ANKS1B: variants seen among roughly 807,000 people sequenced by gnomAD.
ANKS1B encodes ankyrin repeat and sterile alpha motif domain-containing protein 1B.
Under a neutral mutation model 148.3 loss-of-function variants are expected in ANKS1B, and 36 were observed. That is an observed-to-expected ratio of 0.24 (90% CI 0.19 to 0.32). ANKS1B has a LOEUF of 0.32. Ranked by LOEUF, ANKS1B falls within the 10% of genes least tolerant of loss-of-function variation. ANKS1B has a pLI of 1.00. For missense variants in ANKS1B, 1,157 were observed against 1,542.6 expected, an observed-to-expected ratio of 0.75 and a Z score of 4.19; for synonymous variants, 542 against 560.8, an observed-to-expected ratio of 0.97 and a Z score of 0.47.
At chr12:99,621,855 C>T (rs1226542795) in intron 9 of ANKS1B, among the ~76,000 whole-genome samples, 1 of 75,124 alleles carries the variant, frequency 1.3e-5, no homozygotes, top group African/African-American at 5.7e-5. Context: ...ATCATTGAGG[C>T]AGAAAACAAA....
rs1358559114 is a variant in ANKS1B, at chr12:98,745,375, C to CTCCT, written c.*363_*364insAGGA. 5.8e-6 allele frequency: 4 copies of CTCCT among 685,050 alleles called. No individual in the cohort carries two copies. The African/African-American group carries it at 1.1e-4, about 18-fold the overall frequency. 42.4% of individuals were successfully genotyped at this position (685,050 alleles called of 1,614,324 possible). A position where few individuals can be genotyped will look rare whatever the true frequency, so the allele number is the denominator to read the frequency against. On this transcript the variant is annotated 3_prime_UTR_variant, in exon 27 of 27. Transcript: ENST00000683438. The stretch of plus-strand genomic sequence containing the variant: ...TAGGCAGTATTAGAGATCCCCTTTA[C>CTCCT]TTTTTTTTTTTTTTTTTTTTTTTTA...
intron 9 of ANKS1B, among the ~76,000 whole-genome samples, chr12:99,512,959 T>C (rs1037386071): frequency 2.0e-5 from 3 of 151,798 alleles, no homozygotes; most frequent in African/African-American, 7.3e-5. Flanking sequence ...GCTTAATACC[T>C]AGGTGATAGG....
chr12:99,968,312 C>T (rs2095513540), intron 1 of ANKS1B, among the ~76,000 whole-genome samples: 1 of 152,148 alleles, frequency 6.6e-6, no homozygotes, highest in African/African-American at 2.4e-5. Context: ...AATCCCAGCA[C>T]TTTGGGAGGC....
chr12:99,668,842 C>A (rs1460787055), intron 8 of ANKS1B, among the ~76,000 whole-genome samples: 1 of 151,528 alleles, frequency 6.6e-6, no homozygotes, highest in Non-Finnish European at 1.5e-5. Flanking sequence ...ATTTTTTTCT[C>A]TGTATTTTAT....
At chr12:98,869,289 G>A (rs1371717596) in intron 17 of ANKS1B, among the ~76,000 whole-genome samples, 1 of 152,202 alleles carries the variant, frequency 6.6e-6, no homozygotes, top group Non-Finnish European at 1.5e-5. Flanking sequence ...GGCCTGGGAT[G>A]AAGTTTCTGT....
chr12:99,563,772 C>T (rs916214358), intron 9 of ANKS1B, among the ~76,000 whole-genome samples: 3 of 152,044 alleles, frequency 2.0e-5, no homozygotes, highest in Admixed American at 6.6e-5. Context: ...CTATGAAGTG[C>T]AATAAGGTAA....
At chr12:98,895,025 G>C in intron 17 of ANKS1B, 1 of 849,058 alleles carries the variant, frequency 1.2e-6, no homozygotes. Context: ...TCCCCCGAAC[G>C]CCGTCTCCAG....
intron 10 of ANKS1B, among the ~76,000 whole-genome samples, chr12:99,499,724 C>T (rs1757631571): frequency 6.6e-6 from 1 of 152,078 alleles, no homozygotes; most frequent in South Asian, 2.1e-4. Flanking sequence ...CCCCCGTTGA[C>T]ACCACATGGA....
At chr12:99,755,073 A>G (rs202049997) in intron 8 of ANKS1B, among the ~76,000 whole-genome samples, 1 of 48,424 alleles carries the variant, frequency 2.1e-5, no homozygotes, top group East Asian at 1.0e-3. Context: ...CTGCTTTTTA[A>G]AAAAAAAAAT....
intron 8 of ANKS1B, among the ~76,000 whole-genome samples, chr12:99,750,173 T>C (rs867319171): frequency 2.6e-5 from 4 of 152,066 alleles, no homozygotes; most frequent in African/African-American, 9.7e-5. Flanking sequence ...ACTTATAATT[T>C]ATAACTTTTT....
intron 9 of ANKS1B, among the ~76,000 whole-genome samples, chr12:99,646,973 C>T (rs2098375732): frequency 6.7e-6 from 1 of 149,440 alleles, no homozygotes; most frequent in South Asian, 2.1e-4. Flanking sequence ...TAAAATTTAT[C>T]ATGGCTATAG....
rs145244264 is a variant in ANKS1B, at chr12:99,184,169, T to C, written c.2420-29774A>G. Among the ~76,000 whole-genome samples the C allele has an allele frequency of 2.0e-5, 3 of 152,328 alleles. No individual in the cohort carries two copies. The East Asian group carries it at 5.8e-4, about 29-fold the overall frequency. On this transcript the variant is annotated intron_variant, in intron 14 of 26. Transcript: ENST00000683438. ...TCAGTACCAAGATAATAAAAGATGA[T>C]AGTAACACAATATATCTTCCCATTT...
intron 17 of ANKS1B, among the ~76,000 whole-genome samples, chr12:98,963,991 G>A (rs1373906686): frequency 1.3e-5 from 2 of 152,038 alleles, no homozygotes; most frequent in South Asian, 2.1e-4. Flanking sequence ...CCAGATCTTC[G>A]GGAGGCTGAG....
chr12:98,825,437 C>CT (rs2099240619), intron 19 of ANKS1B, among the ~76,000 whole-genome samples: 1 of 151,968 alleles, frequency 6.6e-6, no homozygotes, highest in Non-Finnish European at 1.5e-5. Context: ...GGTAATACTG[C>CT]TTTTTTTTAA....
At chr12:99,563,387 T>TA (rs1190097821) in intron 9 of ANKS1B, among the ~76,000 whole-genome samples, 2 of 152,172 alleles carry the variant, frequency 1.3e-5, no homozygotes, top group South Asian at 4.1e-4. Context: ...CTTGAACACT[T>TA]AAGAGCCCAT....
At chr12:98,943,795 G>C (rs893136852) in intron 17 of ANKS1B, among the ~76,000 whole-genome samples, 2 of 152,296 alleles carry the variant, frequency 1.3e-5, no homozygotes, top group African/African-American at 4.8e-5. Context: ...ACAAATTCTG[G>C]GGAGTGGGAT....
At chr12:99,053,594 A>T (rs2153533586) in intron 16 of ANKS1B, among the ~76,000 whole-genome samples, 1 of 152,342 alleles carries the variant, frequency 6.6e-6, no homozygotes, top group Non-Finnish European at 1.5e-5. Context: ...CATAGACATT[A>T]TTGGCATTCT....
chr12:99,656,083 G>A (rs2098448448), intron 8 of ANKS1B, among the ~76,000 whole-genome samples: 1 of 152,142 alleles, frequency 6.6e-6, no homozygotes, highest in Non-Finnish European at 1.5e-5. Context: ...CAAGAAATTA[G>A]AGGTTTAATT....
chr12:99,030,441 C>A (rs2099951338), intron 17 of ANKS1B, among the ~76,000 whole-genome samples: 1 of 150,870 alleles, frequency 6.6e-6, no homozygotes, highest in African/African-American at 2.4e-5. Flanking sequence ...CTTCCAGCTT[C>A]CCCCCAACCC....
Sources: allele counts gnomAD v4.1 joint callset (sites outside exome capture counted in the v4.1 genomes callset), GRCh38; gene constraint gnomAD v4.1.1; transcripts MANE v1.5; gene names NCBI Gene and HGNC (gene_info 2026-07-23, HGNC 2026-07-21).